KIF1B: variants seen among roughly 807,000 people sequenced by gnomAD.
The protein encoded by KIF1B is kinesin-like protein KIF1B.
In KIF1B, 76 loss-of-function variants were observed where a neutral mutation model predicts 241.9. The observed-to-expected ratio is 0.31, with a 90% CI of 0.26 to 0.38. KIF1B has a LOEUF of 0.38. KIF1B is among the 10% of genes least tolerant of loss of function. The probability of loss-of-function intolerance (pLI) is 1.00; values close to 1 mark genes in which losing one functional copy is unlikely to be tolerated. For synonymous variants in KIF1B, 750 were observed against 796.7 expected (o/e 0.94, Z 0.99); for missense variants, 1,622 against 2,271.4 (o/e 0.71, Z 5.81).
chr1:10,361,677 C>A lies in KIF1B; in HGVS notation c.4171-15C>A. ...CTGCCTGCACTTCATCAGCACCTAC[C>A]CTGTCTGCTTTCAGCTGGATCATTG... is the stretch of plus-strand genomic sequence containing the variant. On this transcript the variant is annotated splice_polypyrimidine_tract_variant and intron_variant, in intron 39 of 48. Transcript: ENST00000676179. 1.5e-5 allele frequency: 25 copies of A among 1,613,480 alleles called. No homozygotes were observed. The highest frequency in any genetic ancestry group is 1.9e-5 in the Non-Finnish European group (23 of 1,180,020).
In KIF1B at chr1:10,272,276, G is replaced by A. The variant is rs1430088037; in HGVS notation, c.834G>A (p.Leu278=). The A allele has an allele frequency of 1.2e-6, 2 of 1,607,672 alleles. No homozygotes were observed. Among genetic ancestry groups the A allele is most frequent in the Admixed American group, 1.7e-5 (1 of 59,996 alleles). Residue 278 remains leucine, a synonymous_variant, in exon 9 of 49, where the codon TTG becomes TTA. Transcript: ENST00000676179. ...ATATTAATAAGTCTCTTACAACTTT[G>A]GGCAAAGTCATTTCAGCCTTGGCCG... ...GANINKSLTT[L]GKVISALAEV...
At chr1:10,212,818 C>T (rs1646709358) in intron 1 of KIF1B, among the ~76,000 whole-genome samples, 1 of 147,820 alleles carries the variant, frequency 6.8e-6, no homozygotes, top group Non-Finnish European at 1.5e-5. Context: ...TGAGGCTAGC[C>T]TGGGCAACAG....
chr1:10,334,467 A>G, intron 27 of KIF1B, 53 bp from the exon 28 acceptor site: 2 of 1,335,996 alleles, frequency 1.5e-6, no homozygotes, highest in Non-Finnish European at 1.1e-6. Context: ...TCTGAAAGCC[A>G]GTTTATCTCT....
At chr1:10,251,450 A>G (rs1647441361) in intron 2 of KIF1B, among the ~76,000 whole-genome samples, 1 of 151,372 alleles carries the variant, frequency 6.6e-6, no homozygotes, top group Non-Finnish European at 1.5e-5. Context: ...TAAAAGCTTT[A>G]TTGGCTGGGC....
chr1:10,220,164 A>G (rs1319097747), intron 1 of KIF1B, among the ~76,000 whole-genome samples: 1 of 150,388 alleles, frequency 6.6e-6, no homozygotes, highest in Non-Finnish European at 1.5e-5. Context: ...ATCGCGAGCC[A>G]TTGCACTCCA....
intron 15 of KIF1B, among the ~76,000 whole-genome samples, chr1:10,286,048 T>TC (rs1164802327): frequency 1.8e-4 from 28 of 152,176 alleles, no homozygotes; most frequent in African/African-American, 6.5e-4. Flanking sequence ...TAAAGATGTT[T>TC]TTTTTTTTTG....
intron 2 of KIF1B, among the ~76,000 whole-genome samples, chr1:10,236,143 G>A (rs970263703): frequency 1.2e-4 from 18 of 151,594 alleles, no homozygotes; most frequent in African/African-American, 4.4e-4. Flanking sequence ...GTGGTGATGC[G>A]CGCCTGTAGT....
rs114261224 is a variant in KIF1B, at chr1:10,275,061, C to T, written c.883-367C>T. The T allele has an allele frequency of 3.7e-3, 1,225 of 331,580 alleles. 13 individuals are homozygous for T. The highest frequency in any genetic ancestry group is 0.022 in the African/African-American group (1,033 of 46,096). 20.5% of individuals were successfully genotyped at this position (331,580 alleles called of 1,614,324 possible). The stretch of plus-strand genomic sequence containing the variant: ...TTTAGGGGTAAATGGAGATGAGGTC[C>T]GCAACTGACTTCAAAATGGGTCAGG... On this transcript the variant is annotated intron_variant, in intron 10 of 48. Coordinates refer to ENST00000676179, the MANE Select transcript of KIF1B (RefSeq NM_001365951.3).
chr1:10,273,068 C>CT, intron 10 of KIF1B, 37 bp downstream of exon 10: 1 of 1,492,904 alleles, frequency 6.7e-7, no homozygotes. Context: ...CTAGAATTGA[C>CT]TTTTATGTTT....
rs1324984536 is a variant in KIF1B at position 10,256,247 on chromosome 1, G to A, written c.107G>A (p.Ser36Asn). Residue 36 changes from serine (S) to asparagine (N), a missense_variant and splice_region_variant, in exon 3 of 49, where the codon AGT becomes AAT. Transcript: ENST00000676179. ...AAAATGAAACATTTTTATCTTCTAG[G>A]TATTATTAACCCAAAGAATCCAAAG... ...CIIQMQGNST[S>N]IINPKNPKEA... 4 of 1,587,668 alleles carry A rather than the reference G, an allele frequency of 2.5e-6. No homozygotes were observed. Among genetic ancestry groups the A allele is most frequent in the East Asian group, 2.2e-5 (1 of 44,738 alleles).
At position 10,324,825 on chromosome 1, in the gene KIF1B, G is replaced by A. The variant is rs370243199; in HGVS notation, c.2605G>A (p.Glu869Lys). 1.8e-5 allele frequency: 29 copies of A among 1,613,984 alleles called. No homozygotes were observed. The highest frequency in any genetic ancestry group is 2.3e-5 in the Non-Finnish European group (27 of 1,180,024). ...AGEMASSAQD[E>K]SETTVTGSDP... Reference sequence around the variant, plus strand: ...GGAGATGGCCTCCAGTGCCCAAGACGAAAGCGAAACCACTGTGACTGGCAG... The same window carrying A: ...GGAGATGGCCTCCAGTGCCCAAGACAAAAGCGAAACCACTGTGACTGGCAG... Residue 869 changes from glutamate to lysine, a missense_variant, in exon 26 of 49, where the codon GAA becomes AAA. This residue lies in a region of KIF1B where 803 missense variants were observed against 1,112.0 expected (regional missense o/e 0.72). Coordinates refer to ENST00000676179, the MANE Select transcript of KIF1B (RefSeq NM_001365951.3).
chr1:10,266,779 C>T (rs1455006758), intron 5 of KIF1B, among the ~76,000 whole-genome samples: 1 of 152,140 alleles, frequency 6.6e-6, no homozygotes, highest in Non-Finnish European at 1.5e-5. Flanking sequence ...TATCTTTTAG[C>T]TGTCACTACA....
intron 37 of KIF1B, 127 bp downstream of exon 37, chr1:10,348,860 C>CA: frequency 1.4e-6 from 1 of 738,304 alleles, no homozygotes; most frequent in Non-Finnish European, 2.4e-6. Flanking sequence ...CCTGTAGCCT[C>CA]AAACTCCTGG....
chr1:10,278,901 A>G, intron 13 of KIF1B, 196 bp from the exon 14 acceptor site: 1 of 488,120 alleles, frequency 2.0e-6, no homozygotes, highest in Non-Finnish European at 3.7e-6. Flanking sequence ...AAGATTTTCA[A>G]GGCCTCTTCT....
chr1:10,282,086 T>C (rs1649431592), intron 14 of KIF1B, among the ~76,000 whole-genome samples: 1 of 152,238 alleles, frequency 6.6e-6, no homozygotes, highest in Non-Finnish European at 1.5e-5. Context: ...TGGAATCTTT[T>C]AGTTTGTAAA....
chr1:10,212,917 T>TAC (rs1408355544), intron 1 of KIF1B, among the ~76,000 whole-genome samples: 4 of 122,856 alleles, frequency 3.3e-5, no homozygotes, highest in East Asian at 2.2e-4. Context: ...TATATATATA[T>TAC]ATATATATAT....
intron 17 of KIF1B, among the ~76,000 whole-genome samples, chr1:10,293,695 A>C (rs1338748361): frequency 6.6e-6 from 1 of 152,090 alleles, no homozygotes; most frequent in East Asian, 1.9e-4. Flanking sequence ...CCTGGCTGGA[A>C]AATTTTTATT....
Position 10,374,604 on chromosome 1 carries a change from G to A in KIF1B, c.5096+139G>A, listed in dbSNP as rs1328826751. 2.7e-6 allele frequency: 3 copies of A among 1,119,774 alleles called. No homozygotes were observed. Among genetic ancestry groups the A allele is most frequent in the Non-Finnish European group, 4.0e-6 (3 of 753,120 alleles). 69.4% of individuals were successfully genotyped at this position (1,119,774 alleles called of 1,614,324 possible). On this transcript the variant is annotated intron_variant, in intron 46 of 48. Transcript: ENST00000676179. The surrounding 1 kb of genome is among the most constrained non-coding windows in gnomAD (Gnocchi z 4.3). ...GTAGTCTGATGCAAGTTGAGTCTGG[G>A]GTGAGAGGGCCAGCCTGGGTTTCTC...
chr1:10,304,173 A>G (rs778332598), intron 22 of KIF1B: 1 of 1,614,198 alleles, frequency 6.2e-7, no homozygotes, highest in Non-Finnish European at 8.5e-7. Flanking sequence ...ACGATGAAGC[A>G]AGGAAAGGGA....
Sources: allele counts gnomAD v4.1 joint callset (sites outside exome capture counted in the v4.1 genomes callset), GRCh38; gene constraint gnomAD v4.1.1; regional missense constraint gnomAD v4.1.1; non-coding constraint Gnocchi (gnomAD v3.1); transcripts MANE v1.5; gene names NCBI Gene and HGNC (gene_info 2026-07-23, HGNC 2026-07-21).